Variants in EIF2B3 observed in about 807,000 individuals in gnomAD.
EIF2B3 encodes the protein translation initiation factor eIF2B subunit gamma.
EIF2B3 carries 20 observed loss-of-function variants against 54.1 expected under a neutral mutation model. That is an observed-to-expected ratio of 0.37 (90% CI 0.26 to 0.54). EIF2B3 has a LOEUF of 0.54. Ranked by LOEUF, EIF2B3 falls within the 20% of genes least tolerant of loss-of-function variation. EIF2B3 has a pLI of 0.86. For synonymous variants in EIF2B3, 153 were observed against 188.1 expected (o/e 0.81, Z 1.52); for missense variants, 448 against 547.8 (o/e 0.82, Z 1.82).
intron 1 of EIF2B3, among the ~76,000 whole-genome samples, chr1:44,984,795 A>ATTTT (rs1557718636): frequency 5.0e-5 from 4 of 80,440 alleles, no homozygotes; most frequent in Non-Finnish European, 8.5e-5. Context: ...AATAATGTCC[A>ATTTT]TCTTTTTTTT....
At chr1:44,904,083 C>A (rs1643368193) in intron 5 of EIF2B3, among the ~76,000 whole-genome samples, 1 of 151,864 alleles carries the variant, frequency 6.6e-6, no homozygotes, top group Non-Finnish European at 1.5e-5. Flanking sequence ...CTCAAAAAAA[C>A]AAAACAAACA....
At chr1:44,885,901 ATT>A (rs57544990) in intron 6 of EIF2B3, among the ~76,000 whole-genome samples, 8 of 133,172 alleles carry the variant, frequency 6.0e-5, no homozygotes, top group Admixed American at 7.7e-5. Context: ...CGCTTGGCTA[ATT>A]TTTTTTTTTT....
At chr1:44,937,846 T>C (rs1290588896) in intron 4 of EIF2B3, among the ~76,000 whole-genome samples, 1 of 118,056 alleles carries the variant, frequency 8.5e-6, no homozygotes, top group Non-Finnish European at 1.6e-5. Flanking sequence ...ATCGCGCCAC[T>C]GCACTCCAGC....
At chr1:44,910,653 TTTTTAA>T (rs1557681344) in intron 5 of EIF2B3, among the ~76,000 whole-genome samples, 5 of 122,092 alleles carry the variant, frequency 4.1e-5, no homozygotes, top group African/African-American at 1.9e-4. Context: ...TTTTTTTTTT[TTTTTAA>T]AAGAGAGAAA....
rs527869929 is a variant in EIF2B3 at position 44,890,302 on chromosome 1, A to G, written c.656+7053T>C. ...GCTCTACCGTGAGGCCAGTAATCCAATTAAGAAACTGGCAAATGAAAAATC... is the reference window on the plus strand; with the variant it reads ...GCTCTACCGTGAGGCCAGTAATCCAGTTAAGAAACTGGCAAATGAAAAATC... On this transcript the variant is annotated intron_variant, in intron 6 of 11. Coordinates refer to ENST00000360403, the MANE Select transcript of EIF2B3 (RefSeq NM_020365.5). Among the ~76,000 whole-genome samples the G allele has an allele frequency of 1.8e-4, 27 of 152,328 alleles. 1 individual carries two copies. In the South Asian group the frequency reaches 4.6e-3, roughly 26 times the overall value.
chr1:44,972,890 A>C (rs915666150), intron 3 of EIF2B3, among the ~76,000 whole-genome samples: 2 of 152,128 alleles, frequency 1.3e-5, no homozygotes, highest in African/African-American at 4.8e-5. Context: ...AAAAATAAAA[A>C]GTTAGCTGGG....
chr1:44,926,198 A>G (rs1643847226), intron 5 of EIF2B3, among the ~76,000 whole-genome samples: 1 of 152,210 alleles, frequency 6.6e-6, no homozygotes, highest in South Asian at 2.1e-4. Flanking sequence ...ACTGTACTCC[A>G]GCCTGGGTGA....
intron 10 of EIF2B3, among the ~76,000 whole-genome samples, chr1:44,862,086 G>A (rs887913406): frequency 6.6e-6 from 1 of 152,168 alleles, no homozygotes; most frequent in Non-Finnish European, 1.5e-5. Context: ...TGGCAGCAAG[G>A]ACTCTGTCTT....
chr1:44,964,293 C>A (rs1199310135), intron 3 of EIF2B3, among the ~76,000 whole-genome samples: 1 of 152,138 alleles, frequency 6.6e-6, no homozygotes, highest in Non-Finnish European at 1.5e-5. Flanking sequence ...TCTTAAGGAA[C>A]GTTGCCACTT....
chr1:44,875,051 A>G (rs978851230), intron 9 of EIF2B3, among the ~76,000 whole-genome samples: 6 of 152,316 alleles, frequency 3.9e-5, no homozygotes, highest in African/African-American at 4.8e-5. Context: ...AAAACAAAAT[A>G]AAACAACAGA....
At chr1:44,886,669 C>T (rs920109074) in intron 6 of EIF2B3, among the ~76,000 whole-genome samples, 36 of 152,216 alleles carry the variant, frequency 2.4e-4, no homozygotes, top group Non-Finnish European at 2.9e-5. Flanking sequence ...AGCCATAATT[C>T]AACTACTCAT....
intron 5 of EIF2B3, among the ~76,000 whole-genome samples, chr1:44,919,349 CAAA>C (rs35094486): frequency 2.4e-5 from 3 of 126,264 alleles, no homozygotes; most frequent in Non-Finnish European, 3.4e-5. Context: ...GACTCCCTCT[CAAA>C]AAAAAAAAAA....
Position 44,981,137 on chromosome 1 carries a change from C to T in EIF2B3, c.32G>A (p.Gly11Asp), listed in dbSNP as rs754415797. MEFQAVVMAVGGGSRMTDLTS... is the reference protein window; with the variant it reads MEFQAVVMAVDGGSRMTDLTS... ...TAGGTCTGTCATCCGAGATCCTCCACCTACTGCCATCACTACTGCTTGAAA... is the reference window on the plus strand; with the variant it reads ...TAGGTCTGTCATCCGAGATCCTCCATCTACTGCCATCACTACTGCTTGAAA... Residue 11 changes from glycine to aspartate, a missense_variant, in exon 2 of 12, where the codon GGT (glycine) becomes GAT (aspartate). By Grantham distance (94) the Gly-to-Asp change is moderately conservative. Transcript: ENST00000360403. 25 of 1,613,086 alleles carry T rather than the reference C, an allele frequency of 1.5e-5. No individual in the cohort carries two copies. Among genetic ancestry groups the T allele is most frequent in the Non-Finnish European group, 2.0e-5 (24 of 1,179,932 alleles).
chr1:44,878,191 T>C (rs911171567), intron 8 of EIF2B3, among the ~76,000 whole-genome samples: 1 of 152,222 alleles, frequency 6.6e-6, no homozygotes, highest in African/African-American at 2.4e-5. Flanking sequence ...AGGTTGAGGC[T>C]CACCTGAGGT....
chr1:44,954,934 G>T (rs1392346088), intron 3 of EIF2B3, among the ~76,000 whole-genome samples: 2 of 152,068 alleles, frequency 1.3e-5, no homozygotes, highest in African/African-American at 4.8e-5. Flanking sequence ...AGCATGAAGG[G>T]GTGTTGAATT....
At chr1:44,967,753 AAAAAAAG>A (rs1644358428) in intron 3 of EIF2B3, among the ~76,000 whole-genome samples, 1 of 149,722 alleles carries the variant, frequency 6.7e-6, no homozygotes, top group Non-Finnish European at 1.5e-5. Flanking sequence ...AAAAAAAAAA[AAAAAAAG>A]GCCAGGCACG....
At chr1:44,893,606 G>T (rs2148912656) in intron 6 of EIF2B3, among the ~76,000 whole-genome samples, 1 of 151,858 alleles carries the variant, frequency 6.6e-6, no homozygotes, top group Middle Eastern at 3.4e-3. Context: ...GAATATATGT[G>T]AAAAGCACCC....
rs386366852 is a variant in EIF2B3 at position 44,922,836 on chromosome 1, A to ATTTTTTTTTTTTTTTTTTTT, written c.566+3772_566+3791dup. ...ATTACTTTCTTGATTTCTTTTTCAGATTTTTTTTTTTTTTTTTTTTTTTTT... is the reference window on the plus strand; with the variant it reads ...ATTACTTTCTTGATTTCTTTTTCAGATTTTTTTTTTTTTTTTTTTTTTTTTTTTTTTTTTTTTTTTTTTTT... On this transcript the variant is annotated intron_variant, in intron 5 of 11. Transcript: ENST00000360403. 3.5e-4 allele frequency among the ~76,000 whole-genome samples: 20 copies of ATTTTTTTTTTTTTTTTTTTT among 56,654 alleles called. 3 individuals are homozygous for ATTTTTTTTTTTTTTTTTTTT. Among genetic ancestry groups the ATTTTTTTTTTTTTTTTTTTT allele is most frequent in the East Asian group, 1.3e-3 (2 of 1,524 alleles). The allele number at this position is 56,654 out of a possible 152,430, so 37.2% of individuals were successfully genotyped here.
At chr1:44,936,273 T>G (rs529993606) in intron 4 of EIF2B3, among the ~76,000 whole-genome samples, 1 of 152,114 alleles carries the variant, frequency 6.6e-6, no homozygotes, top group Admixed American at 6.6e-5. Flanking sequence ...CAGGGCTGTT[T>G]GAATCACTAG....
Sources: allele counts gnomAD v4.1 joint callset (sites outside exome capture counted in the v4.1 genomes callset), GRCh38; gene constraint gnomAD v4.1.1; transcripts MANE v1.5; gene names NCBI Gene and HGNC (gene_info 2026-07-23, HGNC 2026-07-21).